Variants in PTER observed in about 807,000 individuals in gnomAD.
PTER encodes phosphotriesterase related, also known as N-acetyltaurine hydrolase.
In PTER, 38 loss-of-function variants were observed where a neutral mutation model predicts 29.6. The ratio of observed to expected loss-of-function variants is 1.28; its 90% CI spans 0.99 to 1.68. The LOEUF is 1.68. PTER is among the 40% of genes most tolerant of loss of function. The pLI is 0.00. For missense variants in PTER, 482 were observed against 427.8 expected (o/e 1.13, Z -1.12); for synonymous variants, 172 against 154.5 (o/e 1.11, Z -0.84).
At chr10:16,473,537 A>AAAAACAAACAAACAAAC (rs1835138974) in intron 1 of PTER, among the ~76,000 whole-genome samples, 2 of 150,766 alleles carry the variant, frequency 1.3e-5, no homozygotes, top group African/African-American at 4.9e-5. Context: ...AAAAAAAAAA[A>AAAAACAAACAAACAAAC]AAAAAAAAAA....
At chr10:16,463,198 T>TA (rs535136619) in intron 1 of PTER, among the ~76,000 whole-genome samples, 11,754 of 79,184 alleles carry the variant, frequency 0.15, 994 homozygotes, top group Middle Eastern at 0.23. Flanking sequence ...AGACTCTGTC[T>TA]AAAAAAAAAA....
At chr10:16,457,773 C>A (rs1834466226) in intron 1 of PTER, among the ~76,000 whole-genome samples, 1 of 150,882 alleles carries the variant, frequency 6.6e-6, no homozygotes, top group Admixed American at 6.6e-5. Flanking sequence ...AGTGTGGTGG[C>A]TAATTTTTGT....
intron 1 of PTER, among the ~76,000 whole-genome samples, chr10:16,462,541 G>A (rs974733285): frequency 1.0e-4 from 15 of 149,218 alleles, no homozygotes; most frequent in African/African-American, 3.5e-4. Context: ...CCAGCCCTGC[G>A]ATTTGTGCTG....
intron 1 of PTER, among the ~76,000 whole-genome samples, chr10:16,450,482 G>T (rs949561084): frequency 6.6e-6 from 1 of 152,174 alleles, no homozygotes; most frequent in Non-Finnish European, 1.5e-5. Flanking sequence ...GTTTCATCTG[G>T]GTCATCCCAC....
chr10:16,506,371 A>T (rs1836566030), intron 4 of PTER, among the ~76,000 whole-genome samples: 2 of 152,188 alleles, frequency 1.3e-5, no homozygotes, highest in Non-Finnish European at 1.5e-5. Context: ...TGTTTATGTG[A>T]CTTAAGAGCA....
At chr10:16,504,715 A>G (rs1002854550) in intron 3 of PTER, among the ~76,000 whole-genome samples, 9 of 152,224 alleles carry the variant, frequency 5.9e-5, no homozygotes, top group East Asian at 1.9e-4. Context: ...CATCTTCTGA[A>G]CACAGTTCTG....
At position 16,486,491 on chromosome 10, in the gene PTER, A is replaced by T. The variant is rs1288645533; in HGVS notation, c.572A>T (p.Gln191Leu). 1 of 1,614,088 alleles carries T rather than the reference A, an allele frequency of 6.2e-7. No individual in the cohort carries two copies. Among genetic ancestry groups the T allele is most frequent in the South Asian group, 1.1e-5 (1 of 91,082 alleles). ...GTTCTCCAGGCCACAGCTCATGCCC[A>T]GGCTCAGCTTGGTTGTCCTGTTATT... ...RKVLQATAHA[Q>L]AQLGCPVIIH... The change falls in exon 3 of 5, where the codon CAG becomes CTG. Residue 191 changes from glutamine to leucine, a missense_variant. Physicochemically the swap from Gln to Leu is moderately radical, Grantham distance 113. Transcript: ENST00000535784.
At chr10:16,489,789 T>G (rs1001532947) in intron 3 of PTER, among the ~76,000 whole-genome samples, 3 of 152,176 alleles carry the variant, frequency 2.0e-5, no homozygotes, top group African/African-American at 7.2e-5. Flanking sequence ...AGGTACCTCA[T>G]GTAGATGGAA....
At chr10:16,486,806 C>T in intron 3 of PTER, 189 bp downstream of exon 3, 2 of 638,252 alleles carry the variant, frequency 3.1e-6, no homozygotes, top group Non-Finnish European at 5.2e-6. Context: ...TTTTGTGTCC[C>T]TCCTCTGTGT....
chr10:16,465,522 A>G (rs999018730), intron 1 of PTER, among the ~76,000 whole-genome samples: 2 of 152,224 alleles, frequency 1.3e-5, no homozygotes, highest in Non-Finnish European at 1.5e-5. Context: ...CAGGAAGCAT[A>G]AAGATCATTG....
intron 3 of PTER, among the ~76,000 whole-genome samples, chr10:16,498,565 G>A (rs12784829): frequency 0.54 from 82,193 of 152,042 alleles, 22,837 homozygotes; most frequent in East Asian, 0.83. Context: ...CCTGTGTGAC[G>A]GAGCGAGACT....
At chr10:16,489,899 G>A (rs572137797) in intron 3 of PTER, among the ~76,000 whole-genome samples, 8 of 152,302 alleles carry the variant, frequency 5.3e-5, no homozygotes, top group South Asian at 4.1e-4. Context: ...CTTAGCAAGT[G>A]CAGGAATGGG....
chr10:16,490,361 G>A (rs1346039511), intron 3 of PTER, among the ~76,000 whole-genome samples: 1 of 152,028 alleles, frequency 6.6e-6, no homozygotes, highest in Non-Finnish European at 1.5e-5. Flanking sequence ...TCCAAAAACT[G>A]TATATGGGGC....
At chr10:16,448,760 A>G (rs1256484102) in intron 1 of PTER, among the ~76,000 whole-genome samples, 1 of 152,212 alleles carries the variant, frequency 6.6e-6, no homozygotes, top group Admixed American at 6.5e-5. Flanking sequence ...CAAGATTATG[A>G]CACAAAGCCA....
chr10:16,441,362 G>A (rs560272424), intron 1 of PTER, among the ~76,000 whole-genome samples: 3 of 152,114 alleles, frequency 2.0e-5, no homozygotes, highest in Non-Finnish European at 4.4e-5. Flanking sequence ...TGAATCATCC[G>A]TACTTACCAT....
intron 1 of PTER, among the ~76,000 whole-genome samples, chr10:16,449,466 C>T (rs1834131043): frequency 7.6e-6 from 1 of 131,696 alleles, no homozygotes; most frequent in Non-Finnish European, 1.5e-5. Context: ...GAGTCTCACT[C>T]ACTCCGTCGC....
At chr10:16,458,570 AT>A (rs1211822582) in intron 1 of PTER, among the ~76,000 whole-genome samples, 3 of 152,240 alleles carry the variant, frequency 2.0e-5, no homozygotes, top group Non-Finnish European at 4.4e-5. Flanking sequence ...TTTCCGTTAA[AT>A]TGTAATTAAA....
At chr10:16,487,339 C>G (rs1012610638) in intron 3 of PTER, among the ~76,000 whole-genome samples, 1 of 152,194 alleles carries the variant, frequency 6.6e-6, no homozygotes, top group Non-Finnish European at 1.5e-5. Flanking sequence ...CTTCCATAGC[C>G]TCAGATCCAG....
chr10:16,490,877 T>A (rs1296740505), intron 3 of PTER, among the ~76,000 whole-genome samples: 3 of 151,888 alleles, frequency 2.0e-5, no homozygotes, highest in Admixed American at 2.0e-4. Flanking sequence ...CAGTAGTATT[T>A]CCCTGCTCAT....
Sources: gnomAD v4.1 joint callset for allele counts (sites outside exome capture counted in the v4.1 genomes callset) on GRCh38, gnomAD v4.1.1 for gene constraint, MANE v1.5 for transcripts, NCBI Gene and HGNC (gene_info 2026-07-23, HGNC 2026-07-21) for gene names.